LDLRAD4: variants seen among roughly 807,000 people sequenced by gnomAD.
LDLRAD4 encodes the protein low-density lipoprotein receptor class A domain-containing protein 4.
Under a neutral mutation model 17.0 loss-of-function variants are expected in LDLRAD4, and 5 were observed. The observed-to-expected ratio is 0.29, with a 90% CI of 0.15 to 0.62. LDLRAD4 has a LOEUF of 0.62. Ranked by LOEUF, LDLRAD4 falls within the 20% of genes least tolerant of loss-of-function variation. The pLI is 0.84. For missense variants in LDLRAD4, 340 were observed against 424.7 expected (o/e 0.80, Z 1.75); for synonymous variants, 168 against 171.8 (o/e 0.98, Z 0.17).
intron 3 of LDLRAD4, among the ~76,000 whole-genome samples, chr18:13,557,745 G>A (rs1601366995): frequency 1.3e-5 from 2 of 152,290 alleles, no homozygotes; most frequent in Admixed American, 1.3e-4. Context: ...TAAGAAGTGA[G>A]CTAAGAATTG....
At chr18:13,595,994 G>A (rs1191013729) in intron 3 of LDLRAD4, among the ~76,000 whole-genome samples, 1 of 152,168 alleles carries the variant, frequency 6.6e-6, no homozygotes, top group Non-Finnish European at 1.5e-5. Context: ...TTATTCTTAA[G>A]TTGTCTGTTT....
At chr18:13,304,976 C>A (rs2046825318) in intron 1 of LDLRAD4, among the ~76,000 whole-genome samples, 1 of 152,006 alleles carries the variant, frequency 6.6e-6, no homozygotes, top group African/African-American at 2.4e-5. Flanking sequence ...TCTTGTACAA[C>A]ATGGGTTGAA....
chr18:13,358,596 A>T (rs1053448795), intron 1 of LDLRAD4, among the ~76,000 whole-genome samples: 4 of 152,170 alleles, frequency 2.6e-5, no homozygotes, highest in African/African-American at 9.7e-5. Context: ...TGATAAATCA[A>T]ATTTATCCCA....
At chr18:13,612,461 C>T in intron 3 of LDLRAD4, 2 of 1,295,836 alleles carry the variant, frequency 1.5e-6, no homozygotes, top group Non-Finnish European at 2.0e-6. Flanking sequence ...AGTCTGCGGT[C>T]GGAGCCACAG....
intron 1 of LDLRAD4, among the ~76,000 whole-genome samples, chr18:13,272,411 G>A (rs1290938009): frequency 6.6e-6 from 1 of 152,218 alleles, no homozygotes; most frequent in South Asian, 2.1e-4. Context: ...TTCCTTGTTC[G>A]TTCCCGGCAA....
At chr18:13,397,416 T>C (rs1174439331) in intron 2 of LDLRAD4, among the ~76,000 whole-genome samples, 1 of 152,192 alleles carries the variant, frequency 6.6e-6, no homozygotes, top group East Asian at 1.9e-4. Flanking sequence ...CTGACTTTTG[T>C]TTTTAATTTT....
chr18:13,414,966 C>G (rs936431957), intron 2 of LDLRAD4, among the ~76,000 whole-genome samples: 9 of 152,226 alleles, frequency 5.9e-5, no homozygotes, highest in Non-Finnish European at 1.2e-4. Flanking sequence ...GTGGTTCAAA[C>G]TGGAGATGTC....
At chr18:13,236,657 T>C (rs921368614) in intron 1 of LDLRAD4, among the ~76,000 whole-genome samples, 22 of 152,166 alleles carry the variant, frequency 1.4e-4, no homozygotes, top group African/African-American at 5.3e-4. Context: ...CTCTGCTTCC[T>C]CTGGGTGCTG....
rs34862768 is a variant in LDLRAD4 at position 13,332,744 on chromosome 18, G to GT, written c.-383+54568dup. Among the ~76,000 whole-genome samples, 401 of 139,752 alleles carry GT rather than the reference G, an allele frequency of 2.9e-3. 1 individual carries two copies. Among genetic ancestry groups the GT allele is most frequent in the Middle Eastern group, 7.8e-3 (2 of 256 alleles). 91.7% of individuals were successfully genotyped at this position (139,752 alleles called of 152,430 possible). A position where few individuals can be genotyped will look rare whatever the true frequency, so the allele number is the denominator to read the frequency against. On this transcript the variant is annotated intron_variant, in intron 1 of 5. Transcript: ENST00000359446. Reference sequence around the variant, plus strand: ...TGTGGCTTGATAGCTCATTTTTTTTGTTTTTTTTTTTTGGTGGTGAATAAC... The same window carrying GT: ...TGTGGCTTGATAGCTCATTTTTTTTGTTTTTTTTTTTTTGGTGGTGAATAAC...
At chr18:13,247,882 G>T (rs1161655213) in intron 1 of LDLRAD4, among the ~76,000 whole-genome samples, 1 of 151,544 alleles carries the variant, frequency 6.6e-6, no homozygotes. Flanking sequence ...TAGTCATGAT[G>T]TCCAGTTGAG....
At chr18:13,512,860 T>A (rs1785152) in intron 3 of LDLRAD4, among the ~76,000 whole-genome samples, 96,428 of 152,102 alleles carry the variant, frequency 0.63, 31,377 homozygotes, top group South Asian at 0.73. Context: ...GAAAATAAAT[T>A]TGGCAGTGGA....
intron 1 of LDLRAD4, among the ~76,000 whole-genome samples, chr18:13,233,328 G>A (rs946889855): frequency 1.3e-5 from 2 of 152,200 alleles, no homozygotes; most frequent in Non-Finnish European, 2.9e-5. Context: ...AGACATCAAG[G>A]GACCCTCTGG....
At chr18:13,608,494 T>C (rs992064121) in intron 3 of LDLRAD4, among the ~76,000 whole-genome samples, 12 of 152,182 alleles carry the variant, frequency 7.9e-5, no homozygotes, top group Non-Finnish European at 1.6e-4. Context: ...CAGAAATTTT[T>C]TTCTGAAGCT....
At chr18:13,256,981 G>A (rs1017399642) in intron 1 of LDLRAD4, among the ~76,000 whole-genome samples, 1 of 152,250 alleles carries the variant, frequency 6.6e-6, no homozygotes, top group African/African-American at 2.4e-5. Flanking sequence ...TCTCTTGTCA[G>A]AGTGATGAGA....
intron 1 of LDLRAD4, among the ~76,000 whole-genome samples, chr18:13,320,521 C>T (rs2081162285): frequency 1.3e-5 from 2 of 152,148 alleles, no homozygotes; most frequent in South Asian, 2.1e-4. Flanking sequence ...GAGTGAATCC[C>T]CTCTGATAGA....
At chr18:13,455,088 G>A (rs1254918663) in intron 3 of LDLRAD4, among the ~76,000 whole-genome samples, 2 of 152,208 alleles carry the variant, frequency 1.3e-5, no homozygotes, top group Non-Finnish European at 2.9e-5. Context: ...ATGTGCAGGA[G>A]CTGGGGGCTG....
At chr18:13,554,372 A>T (rs2094463468) in intron 3 of LDLRAD4, among the ~76,000 whole-genome samples, 1 of 152,216 alleles carries the variant, frequency 6.6e-6, no homozygotes, top group South Asian at 2.1e-4. Context: ...GTGTCAAGGG[A>T]GTCAAATGAA....
Position 13,645,579 on chromosome 18 carries a change from G to T in LDLRAD4, c.843G>T (p.Leu281=), listed in dbSNP as rs769170310. 1.1e-5 allele frequency: 18 copies of T among 1,597,344 alleles called. No homozygotes were observed. Among genetic ancestry groups the T allele is most frequent in the Non-Finnish European group, 1.4e-5 (17 of 1,172,552 alleles). Residue 281 remains leucine, a synonymous_variant, in exon 6 of 6, where the codon CTG becomes CTT. Coordinates refer to ENST00000359446, the Ensembl canonical transcript of LDLRAD4. This position sits in a 1 kb window ranked among gnomAD's most constrained non-coding sequence, Gnocchi z 5.7. ...GCAACGCACACAGGGGCAGCAGACT[G>T]CAGTTTCAGCAGAACAATGCAGAGA...
chr18:13,337,079 AC>A (rs2082138852), intron 1 of LDLRAD4, among the ~76,000 whole-genome samples: 1 of 152,164 alleles, frequency 6.6e-6, no homozygotes, highest in Non-Finnish European at 1.5e-5. Context: ...AGGCTTTACA[AC>A]CCAGAGCCTC....
Sources: allele counts gnomAD v4.1 joint callset (sites outside exome capture counted in the v4.1 genomes callset), GRCh38; gene constraint gnomAD v4.1.1; non-coding constraint Gnocchi (gnomAD v3.1); transcripts MANE v1.5; gene names NCBI Gene and HGNC (gene_info 2026-07-23, HGNC 2026-07-21).